Variants in NLGN1 observed in about 807,000 individuals in gnomAD.
The protein encoded by NLGN1 is neuroligin 1.
In NLGN1, 12 loss-of-function variants were observed where a neutral mutation model predicts 65.5. The observed-to-expected ratio is 0.18, with a 90% CI of 0.12 to 0.30. The LOEUF is 0.30. Ranked by LOEUF, NLGN1 falls within the 10% of genes least tolerant of loss-of-function variation. The pLI is 1.00. For synonymous variants in NLGN1, 350 were observed against 359.5 expected (o/e 0.97, Z 0.30); for missense variants, 750 against 1,007.1 (o/e 0.74, Z 3.46).
chr3:173,459,545 T>C (rs551103703), intron 2 of NLGN1, among the ~76,000 whole-genome samples: 1 of 152,224 alleles, frequency 6.6e-6, no homozygotes, highest in East Asian at 1.9e-4. Context: ...ATAGTTGGCT[T>C]CCAGGTAAAT....
At chr3:173,842,198 A>C (rs1172466198) in intron 4 of NLGN1, among the ~76,000 whole-genome samples, 1 of 152,202 alleles carries the variant, frequency 6.6e-6, no homozygotes, top group African/African-American at 2.4e-5. Flanking sequence ...AGAACAGTGC[A>C]GAAAAGACGA....
At chr3:173,754,030 T>C (rs1227200324) in intron 3 of NLGN1, among the ~76,000 whole-genome samples, 12 of 146,382 alleles carry the variant, frequency 8.2e-5, no homozygotes, top group Admixed American at 1.4e-4. Context: ...TTTTCTTTTT[T>C]TTTTTTTGTT....
At chr3:173,566,433 G>A (rs143974339) in intron 2 of NLGN1, among the ~76,000 whole-genome samples, 1 of 151,984 alleles carries the variant, frequency 6.6e-6, no homozygotes, top group Non-Finnish European at 1.5e-5. Context: ...ACAATGATTT[G>A]GGAATTAAAT....
At chr3:173,991,732 A>C (rs1721144455) in intron 4 of NLGN1, among the ~76,000 whole-genome samples, 1 of 152,164 alleles carries the variant, frequency 6.6e-6, no homozygotes, top group African/African-American at 2.4e-5. Context: ...GAATATGGAG[A>C]TGCTCTTTAA....
At chr3:174,272,733 A>ATGAT (rs1161868064) in intron 4 of NLGN1, among the ~76,000 whole-genome samples, 2 of 151,598 alleles carry the variant, frequency 1.3e-5, no homozygotes, top group African/African-American at 4.8e-5. Flanking sequence ...AGATAGATAG[A>ATGAT]TGATAGATAA....
At chr3:174,244,555 G>A (rs1743447863) in intron 4 of NLGN1, among the ~76,000 whole-genome samples, 1 of 152,092 alleles carries the variant, frequency 6.6e-6, no homozygotes, top group Non-Finnish European at 1.5e-5. Flanking sequence ...CTAAGTACAA[G>A]AGAAGAATTG....
At chr3:173,963,695 A>G (rs1170436435) in intron 4 of NLGN1, among the ~76,000 whole-genome samples, 1 of 152,224 alleles carries the variant, frequency 6.6e-6, no homozygotes, top group Non-Finnish European at 1.5e-5. Flanking sequence ...ATCAAAACTA[A>G]TAAAGATTAT....
At chr3:173,676,882 A>T (rs984095466) in intron 3 of NLGN1, among the ~76,000 whole-genome samples, 19 of 152,184 alleles carry the variant, frequency 1.2e-4, no homozygotes, top group African/African-American at 4.6e-4. Context: ...CTCTCTTCTT[A>T]CTTTGATCAC....
intron 4 of NLGN1, among the ~76,000 whole-genome samples, chr3:174,083,652 A>G (rs185203651): frequency 1.1e-3 from 175 of 152,312 alleles, no homozygotes; most frequent in African/African-American, 3.9e-3. Context: ...GAAATGCCGG[A>G]AAGTTCATAG....
intron 4 of NLGN1, among the ~76,000 whole-genome samples, chr3:174,079,849 C>T (rs1052195582): frequency 8.6e-5 from 13 of 151,890 alleles, no homozygotes; most frequent in Admixed American, 6.6e-4. Context: ...AACACATGGA[C>T]TCATAGAGGG....
intron 4 of NLGN1, among the ~76,000 whole-genome samples, chr3:173,881,923 G>A (rs542018484): frequency 3.0e-4 from 45 of 152,120 alleles, no homozygotes; most frequent in Admixed American, 1.8e-3. Flanking sequence ...GCCCAGATTC[G>A]TCAGAAGAAT....
At chr3:173,861,515 CGTGTGTGT>C (rs145812733) in intron 4 of NLGN1, among the ~76,000 whole-genome samples, 32,065 of 141,266 alleles carry the variant, frequency 0.23, 3,685 homozygotes, top group African/African-American at 0.29. Context: ...GTAGCTGGCA[CGTGTGTGT>C]GTGTGTGTGT....
At chr3:173,952,337 G>C (rs1748374413) in intron 4 of NLGN1, among the ~76,000 whole-genome samples, 1 of 152,186 alleles carries the variant, frequency 6.6e-6, no homozygotes, top group African/African-American at 2.4e-5. Flanking sequence ...CAGTCTTGTT[G>C]CCCTCCAGAA....
intron 2 of NLGN1, among the ~76,000 whole-genome samples, chr3:173,461,908 A>G (rs1380144086): frequency 2.0e-5 from 3 of 152,144 alleles, no homozygotes; most frequent in Admixed American, 6.6e-5. Flanking sequence ...TAAATTTCAC[A>G]TAAGAATAAC....
intron 4 of NLGN1, among the ~76,000 whole-genome samples, chr3:174,207,346 A>G (rs1001341456): frequency 3.3e-5 from 5 of 152,202 alleles, no homozygotes; most frequent in Admixed American, 6.5e-5. Context: ...ATAAGACCCT[A>G]ACAGGTTCTT....
Position 173,968,209 on chromosome 3 carries a change from C to G in NLGN1, c.646+160377C>G, listed in dbSNP as rs537465385. Among the ~76,000 whole-genome samples the G allele has an allele frequency of 2.4e-3, 366 of 152,222 alleles. 1 individual carries two copies. The highest frequency in any genetic ancestry group is 8.6e-3 in the African/African-American group (356 of 41,548). On this transcript the variant is annotated intron_variant, in intron 4 of 6. Transcript: ENST00000457714. ...AATAGATCTTATGATTTATGTATTT[C>G]TCAAGTCCATAACACCTGATCTTGT...
intron 4 of NLGN1, among the ~76,000 whole-genome samples, chr3:174,029,592 G>T (rs975345047): frequency 2.0e-5 from 3 of 152,154 alleles, no homozygotes; most frequent in African/African-American, 7.2e-5. Flanking sequence ...TGTTGGGAAG[G>T]CATACTTGGT....
intron 4 of NLGN1, among the ~76,000 whole-genome samples, chr3:173,864,009 G>T (rs1469927717): frequency 1.3e-5 from 2 of 152,138 alleles, no homozygotes; most frequent in African/African-American, 4.8e-5. Context: ...AGGAAAATTG[G>T]AAGAATAATG....
chr3:173,483,143 T>A (rs1350591482), intron 2 of NLGN1, among the ~76,000 whole-genome samples: 1 of 152,054 alleles, frequency 6.6e-6, no homozygotes, highest in Admixed American at 6.6e-5. Context: ...AGCTCCTCAA[T>A]AATTGAACAC....
Sources: gnomAD v4.1 joint callset for allele counts (sites outside exome capture counted in the v4.1 genomes callset) on GRCh38, gnomAD v4.1.1 for gene constraint, MANE v1.5 for transcripts, NCBI Gene and HGNC (gene_info 2026-07-23, HGNC 2026-07-21) for gene names.